The following WWTR1 variants were observed in gnomAD, a reference collection of about 807,000 sequenced individuals.
WWTR1 encodes WW domain-containing transcription regulator protein 1.
In WWTR1, 13 loss-of-function variants were observed where a neutral mutation model predicts 40.1. That is an observed-to-expected ratio of 0.32 (90% CI 0.21 to 0.52). WWTR1 has a LOEUF of 0.52. Ranked by LOEUF, WWTR1 falls within the 20% of genes least tolerant of loss-of-function variation. The pLI, the probability that WWTR1 is intolerant of heterozygous loss-of-function variation, is 0.97. For missense variants in WWTR1, 436 were observed against 523.1 expected (o/e 0.83, Z 1.63); for synonymous variants, 230 against 210.1 (o/e 1.09, Z -0.82).
intron 2 of WWTR1, among the ~76,000 whole-genome samples, chr3:149,609,865 G>A (rs545909045): frequency 1.3e-5 from 2 of 152,282 alleles, no homozygotes; most frequent in South Asian, 2.1e-4. Flanking sequence ...GAAGATAAAC[G>A]TTTCCACAGA....
Position 149,656,754 on chromosome 3 carries a change from A to G in WWTR1, c.431+122T>C. The G allele has an allele frequency of 6.5e-6, 5 of 767,874 alleles. No individual in the cohort carries two copies. The East Asian group carries it at 1.0e-4, about 16-fold the overall frequency. 47.6% of individuals were successfully genotyped at this position (767,874 alleles called of 1,614,324 possible). A position where few individuals can be genotyped will look rare whatever the true frequency, so the allele number is the denominator to read the frequency against. On this transcript the variant is annotated intron_variant, in intron 2 of 6. Transcript: ENST00000360632. ...AAATAACCGTGGAAGGACACGCACC[A>G]TCTCTCTCTTTCTCTCTCTCTCTCT...
At chr3:149,565,516 A>G (rs1403688613) in intron 3 of WWTR1, among the ~76,000 whole-genome samples, 6 of 152,164 alleles carry the variant, frequency 3.9e-5, no homozygotes, top group Non-Finnish European at 5.9e-5. Flanking sequence ...ATATGCTATT[A>G]TGTCCTGCTT....
At chr3:149,669,902 TAA>T (rs1471933152) in intron 1 of WWTR1, 1 of 152,122 alleles carries the variant, frequency 6.6e-6, no homozygotes, top group Non-Finnish European at 1.5e-5. Context: ...CTGCAAAAGT[TAA>T]AGAGGAGAAA....
chr3:149,574,833 G>T lies in WWTR1; in HGVS notation c.432-1833C>A, dbSNP rs1033285292. 2.7e-5 allele frequency among the ~76,000 whole-genome samples: 4 copies of T among 150,160 alleles called. 1 individual carries two copies. In the South Asian group the frequency reaches 8.4e-4, roughly 32 times the overall value. ...AAAAAGGCCGGGGGCGGTGGCTCAC[G>T]CCTCTAATCCCAGCACTTTGGGAGG... On this transcript the variant is annotated intron_variant, in intron 2 of 6. Transcript: ENST00000360632.
chr3:149,590,549 G>A (rs1263027523), intron 2 of WWTR1, among the ~76,000 whole-genome samples: 1 of 152,142 alleles, frequency 6.6e-6, no homozygotes, highest in Non-Finnish European at 1.5e-5. Flanking sequence ...GAGAGGCTGA[G>A]GCAGGAGAAT....
intron 2 of WWTR1, among the ~76,000 whole-genome samples, chr3:149,590,848 C>G (rs768237833): frequency 6.6e-6 from 1 of 152,098 alleles, no homozygotes; most frequent in South Asian, 2.1e-4. Flanking sequence ...GGAGGTGGAC[C>G]GTCAGCACTG....
intron 2 of WWTR1, among the ~76,000 whole-genome samples, chr3:149,583,229 G>T (rs1738239558): frequency 6.6e-6 from 1 of 152,186 alleles, no homozygotes; most frequent in Non-Finnish European, 1.5e-5. Flanking sequence ...GCCTCCCAAA[G>T]TGCTAGGATG....
intron 2 of WWTR1, among the ~76,000 whole-genome samples, chr3:149,619,526 G>A (rs1242983393): frequency 1.3e-5 from 2 of 152,172 alleles, no homozygotes; most frequent in Non-Finnish European, 2.9e-5. Context: ...AGGAGGCTGA[G>A]GCGGGAGTAT....
At chr3:149,590,242 A>AACCATG (rs765365185) in intron 2 of WWTR1, among the ~76,000 whole-genome samples, 4 of 152,330 alleles carry the variant, frequency 2.6e-5, no homozygotes, top group Non-Finnish European at 5.9e-5. Flanking sequence ...TATTCACAAT[A>AACCATG]ACCATGCTGT....
chr3:149,674,532 A>G (rs1489897606), intron 1 of WWTR1, among the ~76,000 whole-genome samples: 1 of 152,046 alleles, frequency 6.6e-6, no homozygotes, highest in African/African-American at 2.4e-5. Flanking sequence ...GGTTGCAGTG[A>G]GCCGTGATCA....
chr3:149,517,805 T>C lies in WWTR1; in HGVS notation c.*3000A>G, dbSNP rs1464583730. The C allele has an allele frequency of 6.6e-6, 1 of 152,226 alleles. No individual in the cohort carries two copies. The highest frequency in any genetic ancestry group is 2.4e-5 in the African/African-American group (1 of 41,456). The allele number at this position is 152,226 out of a possible 1,614,324, so 9.4% of individuals were successfully genotyped here. A position where few individuals can be genotyped will look rare whatever the true frequency, so the allele number is the denominator to read the frequency against. ...AATTAGGTTTTGACAATGTATTTAC[T>C]TCAAGACAATGTATTTTATCAGGAA... On this transcript the variant is annotated 3_prime_UTR_variant, in exon 7 of 7. Transcript: ENST00000360632.
At chr3:149,688,624 C>T (rs1312200261) in intron 1 of WWTR1, among the ~76,000 whole-genome samples, 6 of 152,298 alleles carry the variant, frequency 3.9e-5, no homozygotes, top group African/African-American at 1.4e-4. Flanking sequence ...ACTTAGATCA[C>T]AACACTCAAT....
intron 2 of WWTR1, among the ~76,000 whole-genome samples, chr3:149,651,919 T>C (rs1576623421): frequency 7.1e-6 from 1 of 139,882 alleles, no homozygotes; most frequent in African/African-American, 2.6e-5. Flanking sequence ...AAGCTCCGCC[T>C]CCGGGGTTCA....
At chr3:149,722,790 A>C (rs1260198945) in intron 4 of WWTR1, among the ~76,000 whole-genome samples, 1 of 151,608 alleles carries the variant, frequency 6.6e-6, no homozygotes, top group Non-Finnish European at 1.5e-5. Flanking sequence ...CTGCTTGCTC[A>C]AATTTGCCTT....
At chr3:149,542,202 G>A in intron 4 of WWTR1, 133 bp downstream of exon 4, 1 of 1,043,568 alleles carries the variant, frequency 9.6e-7, no homozygotes, top group Non-Finnish European at 1.4e-6. Context: ...TAATCAAGAG[G>A]CTTGGAGTAG....
rs181799994 is a variant in WWTR1 at position 149,528,844 on chromosome 3, T to G, written c.772-875A>C. Among the ~76,000 whole-genome samples the G allele has an allele frequency of 1.4e-3, 219 of 152,318 alleles. 1 individual carries two copies. The highest frequency in any genetic ancestry group is 2.7e-3 in the Non-Finnish European group (185 of 68,030). On this transcript the variant is annotated intron_variant, in intron 4 of 6. Transcript: ENST00000360632. ...TAAAATGCTGAAGGTTGGGGAACCA[T>G]GTAGATCCAATCCAAATCCCACAGA...
intron 1 of WWTR1, among the ~76,000 whole-genome samples, chr3:149,674,037 T>C (rs1327050417): frequency 7.6e-6 from 1 of 132,098 alleles, no homozygotes; most frequent in East Asian, 2.3e-4. Context: ...CTAGGCAACA[T>C]AGTAAGACCT....
chr3:149,587,100 GGTCACCACCT>G (rs1738464991), intron 2 of WWTR1, among the ~76,000 whole-genome samples: 1 of 152,194 alleles, frequency 6.6e-6, no homozygotes, highest in Non-Finnish European at 1.5e-5. Flanking sequence ...CAGAAGCACA[GGTCACCACCT>G]GTAGCTTGCA....
intron 2 of WWTR1, 83 bp downstream of exon 2, chr3:149,656,777 TCTCTCTCTCTCTCTCA>T: frequency 9.7e-7 from 1 of 1,034,040 alleles, no homozygotes; most frequent in Non-Finnish European, 1.3e-6. Flanking sequence ...TCTCTCTCTC[TCTCTCTCTCTCTCTCA>T]CACACACACA....
Sources: allele counts gnomAD v4.1 joint callset (sites outside exome capture counted in the v4.1 genomes callset), GRCh38; gene constraint gnomAD v4.1.1; transcripts MANE v1.5; gene names NCBI Gene and HGNC (gene_info 2026-07-23, HGNC 2026-07-21).